The following ARHGAP36 variants were observed in gnomAD, a reference collection of about 807,000 sequenced individuals.
ARHGAP36 encodes Rho GTPase activating protein 36.
A neutral mutation model predicts 32.9 loss-of-function variants in ARHGAP36; 7 were observed. The observed-to-expected ratio is 0.21, with a 90% CI of 0.12 to 0.40. ARHGAP36 has a LOEUF of 0.40. Among genes scored for constraint, ARHGAP36 ranks in the 10% least tolerant of loss-of-function variants. The pLI is 1.00. For synonymous variants in ARHGAP36, 165 were observed against 168.3 expected (o/e 0.98, Z 0.15); for missense variants, 383 against 442.2 (o/e 0.87, Z 1.20).
At chrX:131,071,077 T>C (rs1443383756) in intron 1 of ARHGAP36, among the ~76,000 whole-genome samples, 2 of 110,755 alleles carry the variant, frequency 1.8e-5, no homozygotes, top group African/African-American at 6.6e-5. Context: ...TGCAGGGTGC[T>C]GGTTGCAGGA....
intron 1 of ARHGAP36, 137 bp downstream of exon 1, chrX:131,058,581 C>T: frequency 1.8e-6 from 1 of 563,550 alleles, no homozygotes; most frequent in Non-Finnish European, 2.5e-6. Flanking sequence ...GCTAATTGTT[C>T]CTGGCTCAAG....
chrX:131,080,559 G>A (rs938300829), intron 1 of ARHGAP36, among the ~76,000 whole-genome samples: 5 of 112,269 alleles, frequency 4.5e-5, no homozygotes, highest in Non-Finnish European at 7.5e-5. Flanking sequence ...TGTGTGAGGT[G>A]TAGGGGCATA....
At chrX:131,072,123 A>G (rs901403463) in intron 1 of ARHGAP36, among the ~76,000 whole-genome samples, 1 of 110,445 alleles carries the variant, frequency 9.1e-6, no homozygotes, top group Non-Finnish European at 1.9e-5. Flanking sequence ...TGGCCTCCTG[A>G]CTTCTCTAAG....
intron 2 of ARHGAP36, among the ~76,000 whole-genome samples, chrX:131,082,935 A>G (rs1266746434): frequency 8.9e-6 from 1 of 112,907 alleles, no homozygotes; most frequent in Admixed American, 9.2e-5. Flanking sequence ...GGCGCATTAG[A>G]TTGTCTGGTT....
At chrX:131,073,124 T>G (rs1178537340) in intron 1 of ARHGAP36, 11 of 112,442 alleles carry the variant, frequency 9.8e-5, no homozygotes, top group Non-Finnish European at 1.5e-4. Flanking sequence ...AGAGGAGACC[T>G]GAGAGTGTGG....
intron 1 of ARHGAP36, among the ~76,000 whole-genome samples, chrX:131,076,972 G>C (rs367735687): frequency 9.8e-5 from 11 of 112,185 alleles, no homozygotes; most frequent in African/African-American, 3.6e-4. Context: ...CTGACTCAAT[G>C]TATTGATGAA....
intron 2 of ARHGAP36, among the ~76,000 whole-genome samples, chrX:131,082,386 C>A (rs1417301038): frequency 8.9e-6 from 1 of 112,638 alleles, no homozygotes; most frequent in Non-Finnish European, 1.9e-5. Context: ...AACGGGAGGG[C>A]GGTGCGGGCG....
At chrX:131,078,713 C>T (rs771646890) in intron 1 of ARHGAP36, 3 of 978,002 alleles carry the variant, frequency 3.1e-6, no homozygotes, top group Non-Finnish European at 4.0e-6. Flanking sequence ...AAATCTGCTT[C>T]TGTATTGTAT....
chrX:131,066,043 A>G (rs982173431), intron 1 of ARHGAP36, among the ~76,000 whole-genome samples: 6 of 110,967 alleles, frequency 5.4e-5, no homozygotes, highest in Non-Finnish European at 1.1e-4. Context: ...CCCCCCATAA[A>G]TGTGTTCCCC....
At chrX:131,082,419 G>A (rs891276565) in intron 2 of ARHGAP36, among the ~76,000 whole-genome samples, 1 of 112,534 alleles carries the variant, frequency 8.9e-6, no homozygotes, top group Non-Finnish European at 1.9e-5. Flanking sequence ...CAGGAGGTGC[G>A]CCTCTAGCAC....
At chrX:131,070,757 A>T (rs2079729577) in intron 1 of ARHGAP36, among the ~76,000 whole-genome samples, 3 of 109,273 alleles carry the variant, frequency 2.7e-5, no homozygotes, top group African/African-American at 1.0e-4. Context: ...TCTCTATATC[A>T]TGCGGTCTTT....
Position 131,079,776 on chromosome X carries a change from T to C in ARHGAP36, c.-142-1748T>C, listed in dbSNP as rs773345846. Among the ~76,000 whole-genome samples, 3 of 111,433 alleles carry C rather than the reference T, an allele frequency of 2.7e-5. No homozygotes were observed. The South Asian group carries it at 1.1e-3, about 42-fold the overall frequency. ...CTACTTCCTTTCTTGGCAAAAGGTT[T>C]AGTTCCCCATCTCCTGAATTATCTT... is the stretch of plus-strand genomic sequence containing the variant. On this transcript the variant is annotated intron_variant, in intron 1 of 11. Coordinates refer to ENST00000276211, the MANE Select transcript of ARHGAP36 (RefSeq NM_144967.4).
rs1409854760 is a variant in ARHGAP36, at chrX:131,086,308, TG to T, written c.1282-20del. 8.3e-7 allele frequency: 1 copy of T among 1,201,624 alleles called. No individual in the cohort carries two copies. Among genetic ancestry groups the T allele is most frequent in the East Asian group, 3.0e-5 (1 of 33,797 alleles). Reference sequence around the variant, plus strand: ...AAAGGTGCTGTGTAATGATGGCTAATGTTGCTAATTCTACCCTCAGGTGCCT... The same window carrying T: ...AAAGGTGCTGTGTAATGATGGCTAATTTGCTAATTCTACCCTCAGGTGCCT... On this transcript the variant is annotated intron_variant, in intron 9 of 11. Transcript: ENST00000276211.
At position 131,069,143 on chromosome X, in the gene ARHGAP36, A is replaced by C. The variant is rs773958036; in HGVS notation, c.-143+10699A>C. 3.6e-5 allele frequency among the ~76,000 whole-genome samples: 4 copies of C among 111,898 alleles called. No homozygotes were observed. The South Asian group carries it at 1.5e-3, about 42-fold the overall frequency. ...GTTCTGGCCGCACAGCCCCTGTGAGAATCTCTGAGGTGCCCTCCCGCCATA... is the reference window on the plus strand; with the variant it reads ...GTTCTGGCCGCACAGCCCCTGTGAGCATCTCTGAGGTGCCCTCCCGCCATA... On this transcript the variant is annotated intron_variant, in intron 1 of 11. Coordinates refer to ENST00000276211, the MANE Select transcript of ARHGAP36 (RefSeq NM_144967.4).
intron 1 of ARHGAP36, among the ~76,000 whole-genome samples, chrX:131,067,561 C>T (rs948391015): frequency 1.8e-5 from 2 of 112,613 alleles, no homozygotes; most frequent in Non-Finnish European, 3.8e-5. Flanking sequence ...CTCTCAGTCC[C>T]AGCCCAACGT....
At chrX:131,059,068 G>T (rs930395997) in intron 1 of ARHGAP36, among the ~76,000 whole-genome samples, 2 of 111,621 alleles carry the variant, frequency 1.8e-5, no homozygotes, top group African/African-American at 6.5e-5. Flanking sequence ...GGACCCCTGC[G>T]GTCTTTAGTC....
intron 1 of ARHGAP36, among the ~76,000 whole-genome samples, chrX:131,074,338 A>AGT (rs55741600): frequency 2.4e-4 from 25 of 103,244 alleles, no homozygotes; most frequent in East Asian, 5.9e-4. Flanking sequence ...TATGTGTGTG[A>AGT]GTGTGTGTGT....
intron 1 of ARHGAP36, among the ~76,000 whole-genome samples, chrX:131,066,080 G>T (rs5977410): frequency 0.081 from 9,044 of 111,479 alleles, 640 homozygotes; most frequent in African/African-American, 0.23. Context: ...CTTTAATTTG[G>T]GTTTCTCAGA....
At chrX:131,087,711 A>G (rs1175222333) in intron 11 of ARHGAP36, among the ~76,000 whole-genome samples, 1 of 111,880 alleles carries the variant, frequency 8.9e-6, no homozygotes, top group East Asian at 2.8e-4. Context: ...GAATCCTCAG[A>G]TGTGAGTGGA....
Sources: allele counts gnomAD v4.1 joint callset (sites outside exome capture counted in the v4.1 genomes callset), GRCh38; gene constraint gnomAD v4.1.1; transcripts MANE v1.5; gene names NCBI Gene and HGNC (gene_info 2026-07-23, HGNC 2026-07-21).